Variants in AKT3 observed in about 807,000 individuals in gnomAD.
AKT3 encodes RAC-gamma serine/threonine-protein kinase.
Under a neutral mutation model 65.3 loss-of-function variants are expected in AKT3, and 15 were observed. The ratio of observed to expected loss-of-function variants is 0.23; its 90% CI spans 0.15 to 0.35. The LOEUF (loss-of-function observed/expected upper bound fraction) is 0.35, where lower values mean the gene tolerates loss of function less well. AKT3 is among the 10% of genes least tolerant of loss of function. AKT3 has a pLI of 1.00. For synonymous variants in AKT3, 206 were observed against 183.8 expected (o/e 1.12, Z -0.98); for missense variants, 243 against 576.5 (o/e 0.42, Z 5.92).
At chr1:243,750,387 CCT>C (rs987436761) in intron 2 of AKT3, among the ~76,000 whole-genome samples, 28 of 145,596 alleles carry the variant, frequency 1.9e-4, no homozygotes, top group African/African-American at 4.3e-4. Context: ...CCTTCTCTCC[CCT>C]CTCACATGCA....
downstream of AKT3, among the ~76,000 whole-genome samples, chr1:243,495,839 T>A (rs750508493): frequency 1.3e-5 from 2 of 152,146 alleles, no homozygotes; most frequent in Non-Finnish European, 2.9e-5. Context: ...TTTGGCAGCT[T>A]AATTCCGTAG....
chr1:243,513,630 C>T (rs985689290), intron 12 of AKT3, among the ~76,000 whole-genome samples: 4 of 152,194 alleles, frequency 2.6e-5, no homozygotes, highest in Non-Finnish European at 5.9e-5. Context: ...GTTTATGGTA[C>T]ATGCTACAAA....
chr1:243,598,841 A>G lies in AKT3; in HGVS notation c.696+14830T>C, dbSNP rs551221592. Among the ~76,000 whole-genome samples, 250 of 152,312 alleles carry G rather than the reference A, an allele frequency of 1.6e-3. 1 individual carries two copies. The highest frequency in any genetic ancestry group is 5.8e-3 in the African/African-American group (242 of 41,572). On this transcript the variant is annotated intron_variant, in intron 8 of 13. Coordinates refer to ENST00000673466, the MANE Select transcript of AKT3 (RefSeq NM_005465.7). Reference sequence around the variant, plus strand: ...TTTGTTTTATTATTTTATAATATGCATCTCCTTCTAGAAATCATGACTGTT... The same window carrying G: ...TTTGTTTTATTATTTTATAATATGCGTCTCCTTCTAGAAATCATGACTGTT...
chr1:243,843,934 GCCA>G (rs1293599177), intron 1 of AKT3, among the ~76,000 whole-genome samples: 10 of 152,074 alleles, frequency 6.6e-5, no homozygotes, highest in Non-Finnish European at 1.5e-4. Flanking sequence ...ACAGAAGTGA[GCCA>G]CCACAACCAG....
chr1:243,693,148 A>T (rs865905319), intron 3 of AKT3, among the ~76,000 whole-genome samples: 1 of 148,618 alleles, frequency 6.7e-6, no homozygotes, highest in Middle Eastern at 3.2e-3. Flanking sequence ...ATTTTGGTAA[A>T]ATTTCATTAA....
At chr1:243,839,486 A>T (rs979602444) in intron 2 of AKT3, among the ~76,000 whole-genome samples, 5 of 152,174 alleles carry the variant, frequency 3.3e-5, no homozygotes, top group Admixed American at 2.6e-4. Flanking sequence ...TGTTTCTTTT[A>T]TTGCCATTTC....
intron 6 of AKT3, among the ~76,000 whole-genome samples, chr1:243,635,255 G>A (rs320329): frequency 0.047 from 7,105 of 151,800 alleles, 562 homozygotes; most frequent in African/African-American, 0.16. Context: ...AAATACGACA[G>A]ACTAAAATTT....
chr1:243,582,946 A>G (rs898606180), intron 8 of AKT3, among the ~76,000 whole-genome samples: 4 of 151,624 alleles, frequency 2.6e-5, no homozygotes, highest in African/African-American at 7.3e-5. Flanking sequence ...AACAAAAAAG[A>G]GCAGGAATCA....
chr1:243,509,108 G>C (rs1669862843), intron 13 of AKT3, among the ~76,000 whole-genome samples: 1 of 152,112 alleles, frequency 6.6e-6, no homozygotes, highest in Admixed American at 6.5e-5. Flanking sequence ...AGACACCAAG[G>C]TTGTAGGGCT....
chr1:243,543,301 C>A (rs756963499), intron 12 of AKT3, among the ~76,000 whole-genome samples: 3 of 152,166 alleles, frequency 2.0e-5, no homozygotes, highest in African/African-American at 7.2e-5. Flanking sequence ...AACTCTTATT[C>A]AACATGAATA....
At chr1:243,791,263 A>G (rs1691612246) in intron 2 of AKT3, among the ~76,000 whole-genome samples, 1 of 148,668 alleles carries the variant, frequency 6.7e-6, no homozygotes, top group Non-Finnish European at 1.5e-5. Context: ...AAGTCTATGC[A>G]TGTTCAGTAT....
At chr1:243,769,471 T>C (rs1351063280) in intron 2 of AKT3, among the ~76,000 whole-genome samples, 1 of 152,222 alleles carries the variant, frequency 6.6e-6, no homozygotes, top group South Asian at 2.1e-4. Flanking sequence ...ACACTGTTTA[T>C]CATTGTTTAC....
chr1:243,495,408 C>T (rs1346607887), downstream of AKT3, among the ~76,000 whole-genome samples: 3 of 152,174 alleles, frequency 2.0e-5, no homozygotes, highest in Admixed American at 2.0e-4. Flanking sequence ...CCAAGCCCTG[C>T]GGTGGAAGGG....
At chr1:243,512,072 T>A (rs1387275298) in intron 13 of AKT3, among the ~76,000 whole-genome samples, 4 of 152,204 alleles carry the variant, frequency 2.6e-5, no homozygotes, top group African/African-American at 9.7e-5. Context: ...AGTCTGTAAT[T>A]TCATCTACAA....
intron 6 of AKT3, among the ~76,000 whole-genome samples, chr1:243,634,156 C>T (rs1249205066): frequency 6.6e-6 from 1 of 152,002 alleles, no homozygotes; most frequent in Non-Finnish European, 1.5e-5. Flanking sequence ...TTCCCATATA[C>T]TTTAAATCAT....
rs201843999 is a variant in AKT3, at chr1:243,508,078, CCT to C, written c.1355-2746_1355-2745del. On this transcript the variant is annotated intron_variant, in intron 13 of 13. Coordinates refer to ENST00000673466, the MANE Select transcript of AKT3 (RefSeq NM_005465.7). ...CTACCCTGGACTTTTATCAACAAAA[CCT>C]CTGTGTGTTAGCACTTAGGGAGCTG... Among the ~76,000 whole-genome samples the C allele has an allele frequency of 8.3e-3, 1,261 of 152,326 alleles. 19 individuals are homozygous for C. The highest frequency in any genetic ancestry group is 0.029 in the African/African-American group (1,217 of 41,580).
rs772142064 is a variant in AKT3 at position 243,843,218 on chromosome 1, T to C, written c.-48A>G. On this transcript the variant is annotated 5_prime_UTR_variant, in exon 2 of 14. In the 5' UTR this introduces an upstream ATG that the reference lacks. Transcript: ENST00000673466. Reference sequence around the variant, plus strand: ...AACTTGGAGAAATGGTACTTTGTGATATCAGCTTTAGGGTTTGGATTCTCT... The same window carrying C: ...AACTTGGAGAAATGGTACTTTGTGACATCAGCTTTAGGGTTTGGATTCTCT... 35 of 1,605,572 alleles carry C rather than the reference T, an allele frequency of 2.2e-5. No individual in the cohort carries two copies. Among genetic ancestry groups the C allele is most frequent in the Non-Finnish European group, 3.0e-5 (35 of 1,175,374 alleles).
intron 10 of AKT3, among the ~76,000 whole-genome samples, chr1:243,560,819 G>C (rs981190151): frequency 6.6e-6 from 1 of 152,020 alleles, no homozygotes; most frequent in African/African-American, 2.4e-5. Context: ...CAGATCATCT[G>C]CTTCTTAAAT....
intron 3 of AKT3, among the ~76,000 whole-genome samples, chr1:243,692,555 A>ACC: frequency 6.6e-6 from 1 of 151,326 alleles, no homozygotes; most frequent in East Asian, 1.9e-4. Context: ...CAACATGGTG[A>ACC]AACCCCATCT....
Sources: allele counts gnomAD v4.1 joint callset (sites outside exome capture counted in the v4.1 genomes callset), GRCh38; gene constraint gnomAD v4.1.1; transcripts MANE v1.5; gene names NCBI Gene and HGNC (gene_info 2026-07-23, HGNC 2026-07-21).